PLEKHA5: variants seen among roughly 807,000 people sequenced by gnomAD.
PLEKHA5 encodes the protein pleckstrin homology domain-containing family A member 5.
In PLEKHA5, 55 loss-of-function variants were observed where a neutral mutation model predicts 181.9. The ratio of observed to expected loss-of-function variants is 0.30; its 90% CI spans 0.24 to 0.38. The LOEUF is 0.38. Among genes scored for constraint, PLEKHA5 ranks in the 10% least tolerant of loss-of-function variants. The pLI, the probability that PLEKHA5 is intolerant of heterozygous loss-of-function variation, is 1.00. For synonymous variants in PLEKHA5, 535 were observed against 529.4 expected (o/e 1.01, Z -0.15); for missense variants, 1,432 against 1,549.5 (o/e 0.92, Z 1.27).
At chr12:19,134,354 A>G (rs2034971260) in intron 3 of PLEKHA5, among the ~76,000 whole-genome samples, 1 of 152,126 alleles carries the variant, frequency 6.6e-6, no homozygotes, top group Admixed American at 6.5e-5. Flanking sequence ...TTAAACTTGT[A>G]GGTTTTAATC....
In PLEKHA5 at chr12:19,274,677, A is replaced by C; in HGVS notation, c.1007A>C (p.Gln336Pro). 6.2e-7 allele frequency: 1 copy of C among 1,614,148 alleles called. No homozygotes were observed. The highest frequency in any genetic ancestry group is 8.5e-7 in the Non-Finnish European group (1 of 1,179,970). ...TTAGAAGCTGAAAAATATGGATTTCAGAAGGATGGTCAAGATAGACCCTTA... is the reference window on the plus strand; with the variant it reads ...TTAGAAGCTGAAAAATATGGATTTCCGAAGGATGGTCAAGATAGACCCTTA... ...KALEAEKYGFQKDGQDRPLTK... is the reference protein window; with the variant it reads ...KALEAEKYGFPKDGQDRPLTK... The change falls in exon 11 of 32, where the codon CAG becomes CCG. Residue 336 changes from glutamine (Q) to proline (P), a missense_variant. Physicochemically the swap from Gln to Pro is moderately conservative, Grantham distance 76. Around this residue, in one of 2 missense-constraint regions of PLEKHA5, gnomAD observed 1,143 missense variants for 1,168.4 expected, o/e 0.98. Coordinates refer to ENST00000429027, the MANE Select transcript of PLEKHA5 (RefSeq NM_001256470.2).
intron 15 of PLEKHA5, among the ~76,000 whole-genome samples, chr12:19,308,780 C>T (rs955415484): frequency 6.6e-6 from 1 of 152,102 alleles, no homozygotes; most frequent in African/African-American, 2.4e-5. Flanking sequence ...GGCACAGTGG[C>T]TCACCCCTGT....
intron 3 of PLEKHA5, among the ~76,000 whole-genome samples, chr12:19,138,005 T>G (rs1034341701): frequency 6.6e-6 from 1 of 152,308 alleles, no homozygotes; most frequent in Non-Finnish European, 1.5e-5. Flanking sequence ...CCTTCGTTTC[T>G]TCTTATTCTC....
At chr12:19,181,930 A>G (rs1387616957) in intron 3 of PLEKHA5, among the ~76,000 whole-genome samples, 2 of 152,198 alleles carry the variant, frequency 1.3e-5, no homozygotes, top group Non-Finnish European at 2.9e-5. Context: ...AAAACTGAGG[A>G]TTATGTGTCT....
At chr12:19,203,316 A>T (rs1336533365) in intron 3 of PLEKHA5, among the ~76,000 whole-genome samples, 2 of 152,056 alleles carry the variant, frequency 1.3e-5, no homozygotes, top group African/African-American at 4.8e-5. Context: ...TCACTCTTCC[A>T]TTATCCAGGG....
chr12:19,228,868 C>G (rs2060047793), intron 3 of PLEKHA5, among the ~76,000 whole-genome samples: 1 of 152,150 alleles, frequency 6.6e-6, no homozygotes. Flanking sequence ...AATGAAAAAT[C>G]TATTAGCCAA....
chr12:19,161,514 C>G (rs1357798838), intron 3 of PLEKHA5, among the ~76,000 whole-genome samples: 2 of 152,208 alleles, frequency 1.3e-5, no homozygotes, highest in African/African-American at 4.8e-5. Flanking sequence ...CACCCCATCT[C>G]CGTGTCTCCA....
intron 8 of PLEKHA5, among the ~76,000 whole-genome samples, chr12:19,268,504 ATGT>A (rs1207472927): frequency 1.3e-5 from 2 of 152,110 alleles, no homozygotes; most frequent in African/African-American, 4.8e-5. Context: ...CTCTTCTGTG[ATGT>A]TGTTTCCTCT....
At chr12:19,198,445 C>T (rs987117518) in intron 3 of PLEKHA5, among the ~76,000 whole-genome samples, 2 of 152,176 alleles carry the variant, frequency 1.3e-5, no homozygotes, top group Non-Finnish European at 1.5e-5. Context: ...GGGGCTTTTC[C>T]TGACAATCCA....
intron 3 of PLEKHA5, among the ~76,000 whole-genome samples, chr12:19,133,813 TA>T (rs1178649323): frequency 6.6e-6 from 1 of 151,948 alleles, no homozygotes; most frequent in African/African-American, 2.4e-5. Context: ...TTAGATGGCC[TA>T]AAAAAATACT....
At chr12:19,231,802 ATAC>A (rs1352795333) in intron 3 of PLEKHA5, among the ~76,000 whole-genome samples, 13 of 151,936 alleles carry the variant, frequency 8.6e-5, no homozygotes, top group African/African-American at 3.1e-4. Flanking sequence ...TTAAGTTTTT[ATAC>A]TACATTTGTT....
rs150166351 is a variant in PLEKHA5, at chr12:19,148,743, C to G, written c.227+16293C>G. On this transcript the variant is annotated intron_variant, in intron 3 of 31. Transcript: ENST00000429027. ...TTTTGAGAATTTGGAAAAGTAGATG[C>G]ATTTCTCAGAAATAGTTCACTGAAA... 7.9e-5 allele frequency among the ~76,000 whole-genome samples: 12 copies of G among 152,302 alleles called. No homozygotes were observed. In the East Asian group the frequency reaches 2.3e-3, roughly 29 times the overall value.
intron 3 of PLEKHA5, among the ~76,000 whole-genome samples, chr12:19,148,603 C>T (rs980102254): frequency 2.0e-5 from 3 of 152,176 alleles, no homozygotes; most frequent in African/African-American, 7.2e-5. Flanking sequence ...AGTTAGTAAA[C>T]TTTTTATGCT....
chr12:19,266,555 G>A (rs1342105779), intron 8 of PLEKHA5, among the ~76,000 whole-genome samples: 1 of 151,940 alleles, frequency 6.6e-6, no homozygotes, highest in Admixed American at 6.6e-5. Context: ...AGGCCGAGTT[G>A]GACAGAAAGC....
At chr12:19,367,945 T>C (rs35180142) in intron 30 of PLEKHA5, among the ~76,000 whole-genome samples, 14,706 of 151,992 alleles carry the variant, frequency 0.097, 752 homozygotes, top group Middle Eastern at 0.12. Context: ...CCGCCACCAC[T>C]CCTGCCCTTT....
chr12:19,340,432 A>AG (rs1555167423), intron 21 of PLEKHA5, among the ~76,000 whole-genome samples: 1 of 42,424 alleles, frequency 2.4e-5, no homozygotes. Flanking sequence ...CTGCCCGGCC[A>AG]CCACCCCGTC....
chr12:19,137,481 C>G (rs1377367083), intron 3 of PLEKHA5, among the ~76,000 whole-genome samples: 1 of 152,134 alleles, frequency 6.6e-6, no homozygotes, highest in African/African-American at 2.4e-5. Flanking sequence ...ATTGATAAAG[C>G]ACTTTATGCT....
At chr12:19,336,328 T>TA (rs1388352857) in intron 20 of PLEKHA5, among the ~76,000 whole-genome samples, 187 bp from the exon 21 acceptor site, 13 of 152,232 alleles carry the variant, frequency 8.5e-5, no homozygotes, top group Non-Finnish European at 8.8e-5. Context: ...AGCACAATAA[T>TA]ACTTAGGTTG....
intron 21 of PLEKHA5, among the ~76,000 whole-genome samples, chr12:19,341,160 C>G (rs1393938744): frequency 6.6e-6 from 1 of 151,980 alleles, no homozygotes; most frequent in African/African-American, 2.4e-5. Context: ...ACCTGTAATT[C>G]CAGCTATTTG....
Sources: allele counts gnomAD v4.1 joint callset (sites outside exome capture counted in the v4.1 genomes callset), GRCh38; gene constraint gnomAD v4.1.1; regional missense constraint gnomAD v4.1.1; transcripts MANE v1.5; gene names NCBI Gene and HGNC (gene_info 2026-07-23, HGNC 2026-07-21).